The following SLC9B2 variants were observed in gnomAD, a reference collection of about 807,000 sequenced individuals.
SLC9B2 encodes sodium/hydrogen exchanger 9B2.
Under a neutral mutation model 52.2 loss-of-function variants are expected in SLC9B2, and 39 were observed. The observed-to-expected ratio is 0.75, with a 90% CI of 0.58 to 0.98. The LOEUF (loss-of-function observed/expected upper bound fraction) is 0.98, where lower values mean the gene tolerates loss of function less well. SLC9B2 is among the 50% of genes least tolerant of loss of function. The probability of loss-of-function intolerance (pLI) is 0.00; values close to 1 mark genes in which losing one functional copy is unlikely to be tolerated. For synonymous variants in SLC9B2, 214 were observed against 227.0 expected, an observed-to-expected ratio of 0.94 and a Z score of 0.51; for missense variants, 626 against 637.5, an observed-to-expected ratio of 0.98 and a Z score of 0.19.
rs1287382058 is a variant in SLC9B2, at chr4:103,076,461, G to A, written c.-320C>T. The stretch of plus-strand genomic sequence containing the variant: ...GGTACAGGCTCCGGAGTAAGCATGG[G>A]TTGGTCCGGGGCCCGCAGCGGCAGC... On this transcript the variant is annotated 5_prime_UTR_variant, in exon 1 of 12. Coordinates refer to ENST00000394785, the MANE Select transcript of SLC9B2 (RefSeq NM_178833.7). The A allele has an allele frequency of 3.9e-5, 6 of 152,290 alleles. No homozygotes were observed. The highest frequency in any genetic ancestry group is 8.8e-5 in the Non-Finnish European group (6 of 68,082). The allele number at this position is 152,290 out of a possible 1,614,324, so 9.4% of individuals were successfully genotyped here.
intron 4 of SLC9B2, among the ~76,000 whole-genome samples, chr4:103,055,803 C>CTTT (rs1400053544): frequency 6.1e-5 from 8 of 131,968 alleles, no homozygotes; most frequent in East Asian, 2.2e-4. Flanking sequence ...ATGCAGAATT[C>CTTT]TTTTTTTTTT....
intron 7 of SLC9B2, 40 bp downstream of exon 7, chr4:103,047,011 G>A (rs762509820): frequency 1.3e-6 from 2 of 1,586,522 alleles, no homozygotes; most frequent in African/African-American, 1.3e-5. Context: ...TACGTCCCTA[G>A]AATGCAAGAG....
rs769265898 is a variant in SLC9B2 at position 103,031,750 on chromosome 4, C to G, written c.1205G>C (p.Gly402Ala). The change falls in exon 10 of 12, where the codon GGA (glycine) becomes GCA (alanine). Residue 402 changes from glycine (G) to alanine (A), a missense_variant. Coordinates refer to ENST00000394785, the MANE Select transcript of SLC9B2 (RefSeq NM_178833.7). ...AATAGATACCTCTGCTCCAATTAGT[C>G]CAAAAAGAAGGGGCTGAAAAATGTC... ...AWDIFQPLLF[G>A]LIGAEVSIAS... 6.2e-7 allele frequency: 1 copy of G among 1,612,734 alleles called. No homozygotes were observed. Among genetic ancestry groups the G allele is most frequent in the Admixed American group, 1.7e-5 (1 of 59,870 alleles).
intron 7 of SLC9B2, among the ~76,000 whole-genome samples, chr4:103,045,842 T>G (rs569679635): frequency 1.3e-5 from 2 of 152,308 alleles, no homozygotes; most frequent in Non-Finnish European, 2.9e-5. Flanking sequence ...ATAAGAGTAT[T>G]TTTAAAAATC....
chr4:103,044,897 C>A lies in SLC9B2; in HGVS notation c.989G>T (p.Arg330Leu), dbSNP rs144171444. ...LGFFIQYFPSRDQDKLVCKRT... is the reference protein window; with the variant it reads ...LGFFIQYFPSLDQDKLVCKRT... ...ACATATTATTTCTTTCACCTGGTCA[C>A]GGCTTGGAAAGTACTGAATGAAAAA... Residue 330 changes from arginine (R) to leucine (L), a missense_variant, in exon 8 of 12, where the codon CGT becomes CTT. Transcript: ENST00000394785. 1 of 1,612,192 alleles carries A rather than the reference C, an allele frequency of 6.2e-7. No individual in the cohort carries two copies. Among genetic ancestry groups the A allele is most frequent in the Non-Finnish European group, 8.5e-7 (1 of 1,178,424 alleles).
At chr4:103,032,412 T>C (rs1332156120) in intron 9 of SLC9B2, among the ~76,000 whole-genome samples, 1 of 152,178 alleles carries the variant, frequency 6.6e-6, no homozygotes, top group Non-Finnish European at 1.5e-5. Flanking sequence ...GTGCCAATTA[T>C]CACTTTATTG....
At chr4:103,038,824 A>G (rs575225233) in intron 9 of SLC9B2, among the ~76,000 whole-genome samples, 58 of 152,334 alleles carry the variant, frequency 3.8e-4, no homozygotes, top group Non-Finnish European at 7.8e-4. Context: ...AGATTTGACA[A>G]CAGACAAAAA....
chr4:103,030,590 G>A (rs867669715), intron 10 of SLC9B2, among the ~76,000 whole-genome samples: 3 of 152,130 alleles, frequency 2.0e-5, no homozygotes, highest in Admixed American at 6.6e-5. Context: ...TGAAAAGTCC[G>A]AAAAGAAGAC....
chr4:103,019,775 T>C (rs996213514), downstream of SLC9B2: 2 of 985,532 alleles, frequency 2.0e-6, no homozygotes, highest in East Asian at 1.1e-4. Context: ...ACGTCTTGGC[T>C]GTCCGCGCCG....
intron 9 of SLC9B2, among the ~76,000 whole-genome samples, chr4:103,041,330 T>C (rs1377181975): frequency 1.3e-5 from 2 of 152,178 alleles, no homozygotes; most frequent in Non-Finnish European, 2.9e-5. Context: ...ATGTTAATAG[T>C]TATCTTTCTG....
intron 10 of SLC9B2, among the ~76,000 whole-genome samples, chr4:103,030,624 G>A (rs761297870): frequency 2.6e-5 from 4 of 151,872 alleles, no homozygotes; most frequent in East Asian, 1.9e-4. Context: ...TGGTAGAGAC[G>A]GGGGGAAGTG....
At chr4:103,060,796 G>A (rs1487909385) in intron 3 of SLC9B2, among the ~76,000 whole-genome samples, 2 of 152,076 alleles carry the variant, frequency 1.3e-5, no homozygotes, top group African/African-American at 4.8e-5. Context: ...AAGACCATCT[G>A]AAAATGTTTT....
chr4:103,033,406 G>C (rs1481100837), intron 9 of SLC9B2, among the ~76,000 whole-genome samples: 1 of 152,048 alleles, frequency 6.6e-6, no homozygotes, highest in African/African-American at 2.4e-5. Flanking sequence ...TATTTAACCG[G>C]AGTACTGGAA....
chr4:103,023,269 T>C lies in SLC9B2; in HGVS notation c.*3101A>G, dbSNP rs775033533. ...TCAAGGATAATTAAGACAAGGTTCCTACCCATAGGGAGCTGATTTAATAAG... is the reference window on the plus strand; with the variant it reads ...TCAAGGATAATTAAGACAAGGTTCCCACCCATAGGGAGCTGATTTAATAAG... On this transcript the variant is annotated 3_prime_UTR_variant, in exon 12 of 12. Transcript: ENST00000394785. 2.6e-5 allele frequency among the ~76,000 whole-genome samples: 4 copies of C among 152,186 alleles called. No individual in the cohort carries two copies. Among genetic ancestry groups the C allele is most frequent in the Non-Finnish European group, 4.4e-5 (3 of 68,020 alleles).
intron 3 of SLC9B2, among the ~76,000 whole-genome samples, chr4:103,063,194 T>C (rs1745821690): frequency 3.3e-5 from 5 of 152,210 alleles, no homozygotes; most frequent in Admixed American, 3.3e-4. Context: ...ATAATAAAAG[T>C]TTAAAAAAAT....
At chr4:103,021,500 C>T (rs750307780), downstream of SLC9B2, among the ~76,000 whole-genome samples, 14 of 151,776 alleles carry the variant, frequency 9.2e-5, no homozygotes, top group Non-Finnish European at 1.5e-4. Flanking sequence ...AACATTTAAA[C>T]AATCATCTGA....
chr4:103,075,026 C>G (rs374604754), intron 1 of SLC9B2, among the ~76,000 whole-genome samples: 1 of 152,218 alleles, frequency 6.6e-6, no homozygotes, highest in South Asian at 2.1e-4. Flanking sequence ...TTCCTATATT[C>G]AGATCTTGTA....
intron 1 of SLC9B2, among the ~76,000 whole-genome samples, chr4:103,072,184 G>A (rs1468170854): frequency 1.3e-5 from 2 of 148,970 alleles, no homozygotes; most frequent in Non-Finnish European, 3.0e-5. Flanking sequence ...TCAGCCTCCC[G>A]AGTAGCTGGG....
At chr4:103,059,039 C>T (rs1450636493) in intron 3 of SLC9B2, among the ~76,000 whole-genome samples, 1 of 152,078 alleles carries the variant, frequency 6.6e-6, no homozygotes, top group Non-Finnish European at 1.5e-5. Context: ...TGCACTCCAG[C>T]CTGTGTTACA....
Sources: gnomAD v4.1 joint callset for allele counts (sites outside exome capture counted in the v4.1 genomes callset) on GRCh38, gnomAD v4.1.1 for gene constraint, MANE v1.5 for transcripts, NCBI Gene and HGNC (gene_info 2026-07-23, HGNC 2026-07-21) for gene names.